OR2L13: variants seen among roughly 807,000 people sequenced by gnomAD.
OR2L13 encodes olfactory receptor family 2 subfamily L member 13.
Under a neutral mutation model 15.3 loss-of-function variants are expected in OR2L13, and 14 were observed. The observed-to-expected ratio is 0.91, with a 90% CI of 0.60 to 1.43. OR2L13 has a LOEUF of 1.43. Ranked by LOEUF, OR2L13 falls within the 40% of genes most tolerant of loss-of-function variation. OR2L13 has a pLI of 0.00. For missense variants in OR2L13, 367 were observed against 387.9 expected, an observed-to-expected ratio of 0.95 and a Z score of 0.45; for synonymous variants, 152 against 142.9, an observed-to-expected ratio of 1.06 and a Z score of -0.45.
chr1:248,044,164 C>G, the OR2L13 span, among the ~76,000 whole-genome samples: 1 of 152,058 alleles, frequency 6.6e-6, no homozygotes, highest in African/African-American at 2.4e-5. Flanking sequence ...TGGAGTCGCT[C>G]TGGTTCAAAA....
chr1:247,937,238 G>C, the OR2L13 span: 1 of 153,260 alleles, frequency 6.5e-6, no homozygotes, highest in African/African-American at 2.4e-5. Flanking sequence ...TTTGGCAGTA[G>C]TGGGCGTGCT....
At chr1:247,975,393 C>A in the OR2L13 span, 1 of 652,702 alleles carries the variant, frequency 1.5e-6, no homozygotes, top group Non-Finnish European at 2.9e-6. Context: ...TCCTTACTGT[C>A]TACCACATTA....
the OR2L13 span, among the ~76,000 whole-genome samples, chr1:247,977,861 G>A: frequency 2.0e-5 from 3 of 152,272 alleles, no homozygotes; most frequent in Non-Finnish European, 4.4e-5. Context: ...GCAGGATGCA[G>A]CATCTTCATC....
chr1:248,096,488 A>T (rs1044425820), upstream of OR2L13, among the ~76,000 whole-genome samples: 7 of 152,334 alleles, frequency 4.6e-5, no homozygotes, highest in African/African-American at 1.4e-4. Context: ...TGTGACATTA[A>T]TAAAAACATT....
the OR2L13 span, among the ~76,000 whole-genome samples, chr1:248,049,313 G>A: frequency 2.6e-5 from 4 of 152,162 alleles, no homozygotes; most frequent in Non-Finnish European, 4.4e-5. Flanking sequence ...TTGAAGGATA[G>A]GAAAGAGATC....
chr1:248,087,093 C>T, the OR2L13 span, among the ~76,000 whole-genome samples: 4 of 152,130 alleles, frequency 2.6e-5, no homozygotes, highest in Admixed American at 2.0e-4. Flanking sequence ...TCAACAATCT[C>T]CTTCTCTCTT....
At chr1:247,995,431 C>T in the OR2L13 span, among the ~76,000 whole-genome samples, 2 of 152,208 alleles carry the variant, frequency 1.3e-5, no homozygotes, top group Non-Finnish European at 2.9e-5. Context: ...TGCATTCAAC[C>T]TATTCATAGC....
At chr1:248,070,524 G>C in the OR2L13 span, among the ~76,000 whole-genome samples, 1 of 152,052 alleles carries the variant, frequency 6.6e-6, no homozygotes, top group Non-Finnish European at 1.5e-5. Context: ...GAGAAAGCAG[G>C]AAAGACCTAA....
the OR2L13 span, chr1:248,038,104 A>G: frequency 1.9e-6 from 1 of 532,806 alleles, no homozygotes; most frequent in East Asian, 3.0e-5. Flanking sequence ...AAAGTTTATA[A>G]TATGCATTTA....
chr1:247,980,006 CA>C, the OR2L13 span, among the ~76,000 whole-genome samples: 1 of 151,988 alleles, frequency 6.6e-6, no homozygotes, highest in Non-Finnish European at 1.5e-5. Context: ...AACAGTGTAT[CA>C]ACTAAATAAA....
At chr1:247,962,749 C>T in the OR2L13 span, among the ~76,000 whole-genome samples, 4 of 152,060 alleles carry the variant, frequency 2.6e-5, no homozygotes, top group South Asian at 2.1e-4. Context: ...TTCTACAAAT[C>T]GCCAAATTTA....
In OR2L13 at chr1:248,100,005, C is replaced by T. The variant is rs1365203149; in HGVS notation, c.630C>T (p.Phe210=). ...CAAGCCTCTTTCTCCTTTTCCCTTT[C>T]ATTGGCATCACTTCTTCCTGTGGCC... Residue 210 remains phenylalanine, a synonymous_variant, in exon 3 of 3, where the codon TTC becomes TTT. Coordinates refer to ENST00000641714, the Ensembl canonical transcript of OR2L13. 12 of 1,614,074 alleles carry T rather than the reference C, an allele frequency of 7.4e-6. No individual in the cohort carries two copies. In the East Asian group the frequency reaches 2.7e-4, roughly 36 times the overall value.
At chr1:248,060,522 A>G in the OR2L13 span, 3 of 619,384 alleles carry the variant, frequency 4.8e-6, no homozygotes, top group Non-Finnish European at 8.7e-6. Context: ...TATCAGAAGT[A>G]TGTGTGGACA....
At chr1:248,082,128 G>C in the OR2L13 span, among the ~76,000 whole-genome samples, 20 of 146,818 alleles carry the variant, frequency 1.4e-4, no homozygotes, top group African/African-American at 5.2e-4. Flanking sequence ...TTAAGAAAAT[G>C]TGGCATATAT....
chr1:247,999,392 G>A, the OR2L13 span, among the ~76,000 whole-genome samples: 64,284 of 151,856 alleles, frequency 0.42, 16,178 homozygotes, highest in Admixed American at 0.56. Flanking sequence ...ACTATTGTGG[G>A]CCTCAATGCA....
At chr1:248,081,820 T>C in the OR2L13 span, among the ~76,000 whole-genome samples, 2 of 152,198 alleles carry the variant, frequency 1.3e-5, no homozygotes, top group Non-Finnish European at 2.9e-5. Flanking sequence ...CTGGTTAAGG[T>C]ACTATCTTAA....
At chr1:248,005,850 G>A in the OR2L13 span, among the ~76,000 whole-genome samples, 278 of 152,230 alleles carry the variant, frequency 1.8e-3, no homozygotes, top group African/African-American at 6.5e-3. Flanking sequence ...TTACAATGTC[G>A]TAGCAGTTAA....
At chr1:248,003,783 G>C in the OR2L13 span, 1 of 1,613,830 alleles carries the variant, frequency 6.2e-7, no homozygotes, top group Non-Finnish European at 8.5e-7. Context: ...TGTTCCTATG[G>C]CCGGGTTCTC....
At chr1:247,990,383 T>G in the OR2L13 span, 3 of 1,582,268 alleles carry the variant, frequency 1.9e-6, no homozygotes, top group Non-Finnish European at 2.6e-6. Context: ...TGGCTCTAAT[T>G]GGAAACCTAT....
Sources: gnomAD v4.1 joint callset for allele counts (sites outside exome capture counted in the v4.1 genomes callset) on GRCh38, gnomAD v4.1.1 for gene constraint, MANE v1.5 for transcripts, NCBI Gene and HGNC (gene_info 2026-07-23, HGNC 2026-07-21) for gene names.